Variants in CALN1 observed in about 807,000 individuals in gnomAD.
CALN1 encodes calneuron 1.
A neutral mutation model predicts 30.6 loss-of-function variants in CALN1; 17 were observed. The ratio of observed to expected loss-of-function variants is 0.56; its 90% confidence interval spans 0.38 to 0.83. The LOEUF is 0.83. Ranked by LOEUF, CALN1 falls within the 40% of genes least tolerant of loss-of-function variation. The pLI is 0.00. For missense variants in CALN1, 291 were observed against 354.9 expected (o/e 0.82, Z 1.45); for synonymous variants, 156 against 131.4 (o/e 1.19, Z -1.28).
intron 2 of CALN1, among the ~76,000 whole-genome samples, chr7:72,345,685 A>AC (rs1315845531): frequency 6.6e-6 from 1 of 151,986 alleles, no homozygotes; most frequent in African/African-American, 2.4e-5. Flanking sequence ...ACTGATAAAC[A>AC]CCCCAGGGTT....
chr7:71,943,353 C>T (rs193046072), intron 5 of CALN1, among the ~76,000 whole-genome samples: 72 of 152,318 alleles, frequency 4.7e-4, no homozygotes, highest in South Asian at 1.2e-3. Flanking sequence ...CGAGTCCTCA[C>T]GCTGCCATAT....
intron 5 of CALN1, among the ~76,000 whole-genome samples, chr7:71,886,165 G>C (rs188127238): frequency 3.9e-5 from 6 of 152,356 alleles, no homozygotes; most frequent in African/African-American, 1.4e-4. Flanking sequence ...TTTGAAAGGA[G>C]TGATTCATCA....
chr7:72,320,120 C>A (rs1016978838), intron 2 of CALN1, among the ~76,000 whole-genome samples: 1 of 152,032 alleles, frequency 6.6e-6, no homozygotes, highest in African/African-American at 2.4e-5. Flanking sequence ...GATGACACAG[C>A]GAGACTCCAT....
At chr7:71,831,349 G>A (rs942678567) in intron 5 of CALN1, among the ~76,000 whole-genome samples, 4 of 152,136 alleles carry the variant, frequency 2.6e-5, no homozygotes, top group East Asian at 1.9e-4. Flanking sequence ...GTGCAGTGGC[G>A]TATGCCTGTA....
intron 2 of CALN1, among the ~76,000 whole-genome samples, chr7:72,395,560 T>C (rs1004862912): frequency 3.3e-5 from 5 of 152,202 alleles, no homozygotes; most frequent in South Asian, 2.1e-4. Context: ...GGAACATTTA[T>C]TTATATTGAT....
the CALN1 span, among the ~76,000 whole-genome samples, chr7:72,487,049 C>T: frequency 6.6e-6 from 1 of 152,076 alleles, no homozygotes; most frequent in Non-Finnish European, 1.5e-5. Flanking sequence ...TGTATCTCTC[C>T]TTCCTCTTCT....
intron 5 of CALN1, among the ~76,000 whole-genome samples, chr7:71,824,159 G>T (rs1248234102): frequency 6.6e-6 from 1 of 152,086 alleles, no homozygotes; most frequent in Non-Finnish European, 1.5e-5. Context: ...CAGGTGCCAG[G>T]CCTCTCTGTT....
chr7:71,780,786 G>T lies in CALN1; in HGVS notation c.*6989C>A, dbSNP rs1051871932. 2 of 151,838 alleles carry T rather than the reference G, an allele frequency of 1.3e-5. No homozygotes were observed. The highest frequency in any genetic ancestry group is 4.8e-5 in the African/African-American group (2 of 41,330). The allele number at this position is 151,838 out of a possible 1,614,324, so 9.4% of individuals were successfully genotyped here. ...AAGGCTTTCTCAAATGGAGAAACAA[G>T]CATCTCTTCTTGGAATCTGCCATTG... On this transcript the variant is annotated 3_prime_UTR_variant, in exon 7 of 7. Transcript: ENST00000395275.
chr7:72,254,766 T>C (rs957564210), intron 3 of CALN1, among the ~76,000 whole-genome samples: 2 of 152,066 alleles, frequency 1.3e-5, no homozygotes, highest in African/African-American at 4.8e-5. Context: ...ATATTCTTTT[T>C]CTTTCCCCCC....
chr7:72,311,497 T>C (rs887199990), intron 2 of CALN1, among the ~76,000 whole-genome samples: 1 of 151,880 alleles, frequency 6.6e-6, no homozygotes, highest in African/African-American at 2.4e-5. Flanking sequence ...TGTGTGTGTG[T>C]AAGACAAGGT....
intron 2 of CALN1, among the ~76,000 whole-genome samples, chr7:72,334,807 T>G (rs1371174775): frequency 6.6e-6 from 1 of 152,230 alleles, no homozygotes; most frequent in Admixed American, 6.5e-5. Flanking sequence ...ATACACCCAG[T>G]AACCAACTTC....
chr7:72,074,086 C>T (rs1804575618), intron 4 of CALN1, among the ~76,000 whole-genome samples: 1 of 152,076 alleles, frequency 6.6e-6, no homozygotes, highest in Admixed American at 6.6e-5. Flanking sequence ...GGTCTCTGCC[C>T]TGAAGAAACT....
intron 5 of CALN1, among the ~76,000 whole-genome samples, chr7:72,000,119 A>C (rs1195665198): frequency 6.6e-6 from 1 of 152,180 alleles, no homozygotes; most frequent in Non-Finnish European, 1.5e-5. Context: ...AAGAAACTAA[A>C]AAAAGAACAA....
intron 1 of CALN1, among the ~76,000 whole-genome samples, chr7:72,411,058 G>C (rs944630061): frequency 1.3e-5 from 2 of 152,068 alleles, no homozygotes; most frequent in African/African-American, 4.8e-5. Flanking sequence ...ATTAGAATAA[G>C]ACCAACATAC....
At chr7:71,852,936 T>C (rs1288560591) in intron 5 of CALN1, among the ~76,000 whole-genome samples, 1 of 152,240 alleles carries the variant, frequency 6.6e-6, no homozygotes, top group Non-Finnish European at 1.5e-5. Context: ...GTTGTGAGAC[T>C]TTAAAAATAT....
At chr7:72,154,760 G>C (rs73130009) in intron 3 of CALN1, among the ~76,000 whole-genome samples, 3 of 152,058 alleles carry the variant, frequency 2.0e-5, no homozygotes, top group African/African-American at 4.8e-5. Context: ...AAGAGGAAGA[G>C]AGCCAGGCCC....
intron 1 of CALN1, among the ~76,000 whole-genome samples, chr7:72,436,659 G>C (rs896084863): frequency 6.6e-6 from 1 of 151,972 alleles, no homozygotes; most frequent in South Asian, 2.1e-4. Flanking sequence ...TTGCTTCTAG[G>C]GGCCCCAGTC....
At chr7:72,002,405 C>T (rs1799570179) in intron 5 of CALN1, among the ~76,000 whole-genome samples, 2 of 152,004 alleles carry the variant, frequency 1.3e-5, no homozygotes, top group African/African-American at 2.4e-5. Context: ...AAATACTATA[C>T]TGAAAGTTAA....
intron 3 of CALN1, among the ~76,000 whole-genome samples, chr7:72,169,504 T>C (rs937926260): frequency 1.0e-4 from 15 of 149,410 alleles, no homozygotes; most frequent in Admixed American, 8.0e-4. Context: ...TTTTTTTTTT[T>C]CAGATACAGA....
Sources: gnomAD v4.1 joint callset for allele counts (sites outside exome capture counted in the v4.1 genomes callset) on GRCh38, gnomAD v4.1.1 for gene constraint, MANE v1.5 for transcripts, NCBI Gene and HGNC (gene_info 2026-07-23, HGNC 2026-07-21) for gene names.